Variants in EPB41L4A observed in about 807,000 individuals in gnomAD.
The protein encoded by EPB41L4A is erythrocyte membrane protein band 4.1 like 4A.
EPB41L4A carries 100 observed loss-of-function variants against 108.6 expected under a neutral mutation model. That is an observed-to-expected ratio of 0.92 (90% CI 0.78 to 1.09). EPB41L4A has a LOEUF of 1.09. Among genes scored for constraint, EPB41L4A ranks in the 50% least tolerant of loss-of-function variants. The pLI is 0.00. For synonymous variants in EPB41L4A, 319 were observed against 289.0 expected, an observed-to-expected ratio of 1.10 and a Z score of -1.05; for missense variants, 1,030 against 842.7, an observed-to-expected ratio of 1.22 and a Z score of -2.75.
chr5:112,144,537 A>T (rs887861610), intron 13 of EPB41L4A, among the ~76,000 whole-genome samples: 1 of 152,170 alleles, frequency 6.6e-6, no homozygotes, highest in African/African-American at 2.4e-5. Context: ...TCAACTTCTT[A>T]AACTGATGGG....
intron 4 of EPB41L4A, 21 bp downstream of exon 4, chr5:112,275,305 A>T (rs1752551860): frequency 1.3e-6 from 2 of 1,530,118 alleles, no homozygotes; most frequent in African/African-American, 1.4e-5. Context: ...TATCTGTTCA[A>T]AAACAAAGTC....
chr5:112,259,095 G>T, intron 9 of EPB41L4A, 134 bp downstream of exon 9: 2 of 683,832 alleles, frequency 2.9e-6, no homozygotes, highest in Non-Finnish European at 2.6e-6. Context: ...TTGAGAAGTT[G>T]TGCATGTGAG....
chr5:112,254,051 T>G (rs1750888250), intron 9 of EPB41L4A, among the ~76,000 whole-genome samples: 1 of 152,186 alleles, frequency 6.6e-6, no homozygotes, highest in Non-Finnish European at 1.5e-5. Context: ...CAGGAACCTT[T>G]TGGTTCTACA....
rs1290638232 is a variant in EPB41L4A at position 112,225,686 on chromosome 5, A to G, written c.1087+8948T>C. Among the ~76,000 whole-genome samples, 4 of 152,062 alleles carry G rather than the reference A, an allele frequency of 2.6e-5. No homozygotes were observed. The East Asian group carries it at 5.8e-4, about 22-fold the overall frequency. Reference sequence around the variant, plus strand: ...TATCTGCATGCATACTTTCCCACCCAATTTGTCTTTGTATATAATGGTAAC... The same window carrying G: ...TATCTGCATGCATACTTTCCCACCCGATTTGTCTTTGTATATAATGGTAAC... On this transcript the variant is annotated intron_variant, in intron 12 of 22. Transcript: ENST00000261486.
intron 1 of EPB41L4A, among the ~76,000 whole-genome samples, chr5:112,350,100 C>T (rs1757947007): frequency 6.6e-6 from 1 of 152,028 alleles, no homozygotes; most frequent in Non-Finnish European, 1.5e-5. Context: ...CTACAGAGTA[C>T]TTGAAAAGTG....
chr5:112,387,651 T>C (rs7725742), intron 1 of EPB41L4A, among the ~76,000 whole-genome samples: 3,344 of 152,268 alleles, frequency 0.022, 128 homozygotes, highest in African/African-American at 0.069. Flanking sequence ...TTAAAGTAAC[T>C]GTATTAAATA....
At chr5:112,360,027 T>G (rs559654873) in intron 1 of EPB41L4A, among the ~76,000 whole-genome samples, 1 of 152,196 alleles carries the variant, frequency 6.6e-6, no homozygotes, top group Admixed American at 6.5e-5. Flanking sequence ...GGCTAACAGA[T>G]TCAACGGAAA....
At chr5:112,383,206 A>G (rs1395407701) in intron 1 of EPB41L4A, among the ~76,000 whole-genome samples, 1 of 152,234 alleles carries the variant, frequency 6.6e-6, no homozygotes, top group African/African-American at 2.4e-5. Context: ...TAGTCAAGAA[A>G]TCTCAAAGGA....
At chr5:112,395,586 T>G (rs1438953208) in intron 1 of EPB41L4A, among the ~76,000 whole-genome samples, 1 of 152,084 alleles carries the variant, frequency 6.6e-6, no homozygotes, top group Non-Finnish European at 1.5e-5. Context: ...CATTAAAAAG[T>G]CAGGAAACAA....
At chr5:112,277,176 G>A (rs1414416105) in intron 3 of EPB41L4A, among the ~76,000 whole-genome samples, 1 of 152,172 alleles carries the variant, frequency 6.6e-6, no homozygotes, top group African/African-American at 2.4e-5. Context: ...CCCGCAGGCA[G>A]CTGGGGTTGG....
chr5:112,226,836 G>T (rs928160087), intron 12 of EPB41L4A, among the ~76,000 whole-genome samples: 1 of 151,832 alleles, frequency 6.6e-6, no homozygotes, highest in African/African-American at 2.4e-5. Flanking sequence ...AGGGGTAATT[G>T]GTGTTTACGG....
chr5:112,216,645 T>C (rs1476443248), intron 12 of EPB41L4A, among the ~76,000 whole-genome samples: 1 of 152,232 alleles, frequency 6.6e-6, no homozygotes, highest in Non-Finnish European at 1.5e-5. Flanking sequence ...AGACAAATAA[T>C]AAGATTATAG....
At chr5:112,340,483 C>A (rs1757241894) in intron 1 of EPB41L4A, among the ~76,000 whole-genome samples, 1 of 152,162 alleles carries the variant, frequency 6.6e-6, no homozygotes, top group Non-Finnish European at 1.5e-5. Flanking sequence ...TATCACACTT[C>A]TTATCTGCCT....
Position 112,300,555 on chromosome 5 carries a change from T to C in EPB41L4A, c.204+6831A>G, listed in dbSNP as rs577032338. ...AGGTTTTCCTTTATAGATTACCTAA[T>C]GCTTTTGCCTCACAGCTACTAAGAT... On this transcript the variant is annotated intron_variant, in intron 2 of 22. Coordinates refer to ENST00000261486, the MANE Select transcript of EPB41L4A (RefSeq NM_022140.5). Among the ~76,000 whole-genome samples the C allele has an allele frequency of 7.9e-5, 12 of 152,318 alleles. No individual in the cohort carries two copies. In the South Asian group the frequency reaches 1.7e-3, roughly 21 times the overall value.
chr5:112,357,025 G>A (rs978421160), intron 1 of EPB41L4A, among the ~76,000 whole-genome samples: 1 of 152,146 alleles, frequency 6.6e-6, no homozygotes, highest in Non-Finnish European at 1.5e-5. Flanking sequence ...GATGGCCGGT[G>A]CTGAGTAGGG....
chr5:112,198,357 T>C (rs2416277), intron 15 of EPB41L4A, among the ~76,000 whole-genome samples: 119,296 of 152,202 alleles, frequency 0.78, 47,405 homozygotes, highest in East Asian at 1. Flanking sequence ...GATTTGTCAC[T>C]ATTTGTACAT....
At chr5:112,227,993 C>T (rs560113301) in intron 12 of EPB41L4A, among the ~76,000 whole-genome samples, 1 of 152,308 alleles carries the variant, frequency 6.6e-6, no homozygotes, top group South Asian at 2.1e-4. Flanking sequence ...CTACAAAGTG[C>T]TCACGTCTGG....
intron 1 of EPB41L4A, among the ~76,000 whole-genome samples, chr5:112,328,051 C>T (rs1436486049): frequency 3.3e-5 from 5 of 152,148 alleles, no homozygotes; most frequent in Middle Eastern, 3.4e-3. Flanking sequence ...GGCTCACGCT[C>T]GTAATCCCAG....
chr5:112,311,393 A>G (rs1163672672), intron 1 of EPB41L4A, among the ~76,000 whole-genome samples: 1 of 152,192 alleles, frequency 6.6e-6, no homozygotes, highest in African/African-American at 2.4e-5. Flanking sequence ...GGATTCCTAA[A>G]ATAAATTCTA....
Sources: gnomAD v4.1 joint callset for allele counts (sites outside exome capture counted in the v4.1 genomes callset) on GRCh38, gnomAD v4.1.1 for gene constraint, MANE v1.5 for transcripts, NCBI Gene and HGNC (gene_info 2026-07-23, HGNC 2026-07-21) for gene names.